The following NRXN3 variants were observed in gnomAD, a reference collection of about 807,000 sequenced individuals.
The protein encoded by NRXN3 is neurexin III.
A neutral mutation model predicts 137.6 loss-of-function variants in NRXN3; 32 were observed. That is an observed-to-expected ratio of 0.23 (90% CI 0.18 to 0.31). The LOEUF (loss-of-function observed/expected upper bound fraction) is 0.31, where lower values mean the gene tolerates loss of function less well. Ranked by LOEUF, NRXN3 falls within the 10% of genes least tolerant of loss-of-function variation. NRXN3 has a pLI of 1.00. For missense variants in NRXN3, 1,574 were observed against 2,062.5 expected, an observed-to-expected ratio of 0.76 and a Z score of 4.59; for synonymous variants, 798 against 784.5, an observed-to-expected ratio of 1.02 and a Z score of -0.29.
intron 16 of NRXN3, among the ~76,000 whole-genome samples, chr14:79,643,498 C>A (rs1381270976): frequency 7.4e-6 from 1 of 134,980 alleles, no homozygotes; most frequent in African/African-American, 2.5e-5. Flanking sequence ...GGTTTTTTTT[C>A]TGGTCATTTT....
intron 4 of NRXN3, among the ~76,000 whole-genome samples, 197 bp from the exon 5 acceptor site, chr14:78,644,923 G>C (rs2097671838): frequency 6.6e-6 from 1 of 152,184 alleles, no homozygotes; most frequent in African/African-American, 2.4e-5. Context: ...TGGACACGTC[G>C]TTTCTCTGCA....
chr14:78,803,528 A>C, intron 8 of NRXN3, 92 bp from the exon 9 acceptor site: 2 of 1,146,754 alleles, frequency 1.7e-6, no homozygotes, highest in Admixed American at 3.4e-5. Context: ...CAAATCTGGC[A>C]CCCTCTCTAC....
chr14:79,413,020 G>C (rs2095441717), intron 15 of NRXN3, among the ~76,000 whole-genome samples: 1 of 152,094 alleles, frequency 6.6e-6, no homozygotes, highest in Admixed American at 6.6e-5. Flanking sequence ...AAATTGATTT[G>C]ACTGTCCTTG....
At chr14:79,842,683 G>C (rs1276756500) in intron 20 of NRXN3, among the ~76,000 whole-genome samples, 1 of 152,092 alleles carries the variant, frequency 6.6e-6, no homozygotes, top group African/African-American at 2.4e-5. Flanking sequence ...TAGTAAAATA[G>C]TCACCATAGA....
chr14:78,547,693 G>C (rs188850251), intron 4 of NRXN3, among the ~76,000 whole-genome samples: 2 of 150,980 alleles, frequency 1.3e-5, no homozygotes, highest in Admixed American at 1.3e-4. Context: ...TAAATTTTTG[G>C]GGGAGATGTA....
At chr14:79,004,761 G>T (rs1372921943) in intron 15 of NRXN3, among the ~76,000 whole-genome samples, 1 of 152,166 alleles carries the variant, frequency 6.6e-6, no homozygotes, top group African/African-American at 2.4e-5. Context: ...CTTTAGTGAA[G>T]GATGCTTTTT....
rs144515934 is a variant in NRXN3 at position 78,213,199 on chromosome 14, G to A, written c.-703-29192G>A. Among the ~76,000 whole-genome samples the A allele has an allele frequency of 3.3e-5, 5 of 152,306 alleles. No individual in the cohort carries two copies. The East Asian group carries it at 9.7e-4, about 29-fold the overall frequency. On this transcript the variant is annotated intron_variant, in intron 1 of 20. Transcript: ENST00000335750. ...AGAAAGGACAGGATGTGCTGCCTGAGTCCCAGAGAGCCCCTGTGGAAGTCA... is the reference window on the plus strand; with the variant it reads ...AGAAAGGACAGGATGTGCTGCCTGAATCCCAGAGAGCCCCTGTGGAAGTCA...
At chr14:78,577,295 G>C (rs937083898) in intron 4 of NRXN3, among the ~76,000 whole-genome samples, 2 of 152,092 alleles carry the variant, frequency 1.3e-5, no homozygotes, top group South Asian at 4.1e-4. Flanking sequence ...GAATTTTTAG[G>C]GTCAGAAAAG....
At position 79,037,831 on chromosome 14, in the gene NRXN3, G is replaced by A. The variant is rs536405446; in HGVS notation, c.3262+49690G>A. On this transcript the variant is annotated intron_variant, in intron 15 of 20. Coordinates refer to ENST00000335750, the MANE Select transcript of NRXN3 (RefSeq NM_001330195.2). The stretch of plus-strand genomic sequence containing the variant: ...TCATATATCACCCTCTGTGTCGCTC[G>A]CTTATGATGGCCCTGCCAAAAGATA... 3.3e-5 allele frequency among the ~76,000 whole-genome samples: 5 copies of A among 152,114 alleles called. No homozygotes were observed. In the East Asian group the frequency reaches 5.8e-4, roughly 18 times the overall value.
intron 10 of NRXN3, among the ~76,000 whole-genome samples, chr14:78,858,286 A>G (rs1247486970): frequency 6.6e-6 from 1 of 152,090 alleles, no homozygotes; most frequent in Non-Finnish European, 1.5e-5. Flanking sequence ...GACTTTAGTG[A>G]CAATCCTTGA....
intron 4 of NRXN3, among the ~76,000 whole-genome samples, chr14:78,336,769 C>G (rs2153577157): frequency 6.6e-6 from 1 of 152,186 alleles, no homozygotes; most frequent in Admixed American, 6.5e-5. Flanking sequence ...ATGACCACCC[C>G]CAGGGTTCCC....
chr14:79,123,800 G>A (rs1236484001), intron 15 of NRXN3, among the ~76,000 whole-genome samples: 1 of 152,164 alleles, frequency 6.6e-6, no homozygotes, highest in Non-Finnish European at 1.5e-5. Flanking sequence ...ACATGAATAA[G>A]CAGAGCAGGC....
intron 8 of NRXN3, among the ~76,000 whole-genome samples, chr14:78,770,029 T>C (rs2098721709): frequency 6.6e-6 from 1 of 152,080 alleles, no homozygotes; most frequent in Admixed American, 6.5e-5. Flanking sequence ...GGCAGATATA[T>C]CTAGGTATGT....
At chr14:79,280,071 G>A in intron 15 of NRXN3, 3 of 1,362,268 alleles carry the variant, frequency 2.2e-6, no homozygotes, top group Non-Finnish European at 2.8e-6. Context: ...TCAGCTCCGG[G>A]AAAGAGAAGG....
chr14:78,883,504 A>G (rs1345864395), intron 10 of NRXN3, among the ~76,000 whole-genome samples: 2 of 152,192 alleles, frequency 1.3e-5, no homozygotes, highest in Non-Finnish European at 2.9e-5. Flanking sequence ...CAGGCTGGGA[A>G]AACAGAAGGC....
chr14:79,195,546 C>A (rs1185633156), intron 15 of NRXN3, among the ~76,000 whole-genome samples: 1 of 152,162 alleles, frequency 6.6e-6, no homozygotes, highest in East Asian at 1.9e-4. Context: ...GGACACATCT[C>A]TTCTTTCATT....
At position 79,439,846 on chromosome 14, in the gene NRXN3, A is replaced by G. The variant is rs370072311; in HGVS notation, c.3263-27375A>G. 3.0e-4 allele frequency among the ~76,000 whole-genome samples: 45 copies of G among 152,330 alleles called. 1 individual carries two copies. The highest frequency in any genetic ancestry group is 9.9e-4 in the African/African-American group (41 of 41,582). On this transcript the variant is annotated intron_variant, in intron 15 of 20. Transcript: ENST00000335750. ...AAATAGATTTAACTCAGCAATCAAT[A>G]TATTATCAATAATAATCATTAATTT...
chr14:79,070,167 C>T (rs185827674), intron 15 of NRXN3, among the ~76,000 whole-genome samples: 19 of 152,230 alleles, frequency 1.2e-4, no homozygotes, highest in Non-Finnish European at 2.1e-4. Context: ...GATAGCACCA[C>T]GCATCCTTTT....
chr14:79,627,218 T>G (rs1603253006), intron 16 of NRXN3, among the ~76,000 whole-genome samples: 3 of 152,214 alleles, frequency 2.0e-5, no homozygotes, highest in Non-Finnish European at 4.4e-5. Flanking sequence ...TTTATGGCAG[T>G]TCTGGCAAAT....
Sources: allele counts gnomAD v4.1 joint callset (sites outside exome capture counted in the v4.1 genomes callset), GRCh38; gene constraint gnomAD v4.1.1; transcripts MANE v1.5; gene names NCBI Gene and HGNC (gene_info 2026-07-23, HGNC 2026-07-21).